The following NF1 variants were observed in gnomAD, a reference collection of about 807,000 sequenced individuals.
NF1 encodes neurofibromin 1.
In NF1, 122 loss-of-function variants were observed where a neutral mutation model predicts 325.7. The observed-to-expected ratio is 0.37, with a 90% CI of 0.32 to 0.44. NF1 has a LOEUF of 0.44. NF1 is among the 20% of genes least tolerant of loss of function. The pLI, the probability that NF1 is intolerant of heterozygous loss-of-function variation, is 1.00. For missense variants in NF1, 2,140 were observed against 3,415.4 expected, an observed-to-expected ratio of 0.63 and a Z score of 9.31; for synonymous variants, 1,091 against 1,186.0, an observed-to-expected ratio of 0.92 and a Z score of 1.65.
intron 57 of NF1, chr17:31,362,425 T>C (rs1028088030): frequency 2.9e-5 from 24 of 833,970 alleles, no homozygotes; most frequent in Non-Finnish European, 3.5e-5. Context: ...TTAGAAGAGC[T>C]GGGTTAACTG....
In NF1 at chr17:31,311,173, G is replaced by C. The variant is rs557308347; in HGVS notation, c.4836-14647G>C. Among the ~76,000 whole-genome samples the C allele has an allele frequency of 4.6e-5, 7 of 152,006 alleles. No individual in the cohort carries two copies. In the East Asian group the frequency reaches 1.4e-3, roughly 29 times the overall value. ...TCACCATGTCACCCAGACTTGCCTT[G>C]AACTCCTGGACTCAAGTGACCCACC... On this transcript the variant is annotated intron_variant, in intron 36 of 57. Transcript: ENST00000358273.
chr17:31,360,774 A>G (rs2070379192), intron 57 of NF1, 71 bp downstream of exon 57: 2 of 1,376,180 alleles, frequency 1.5e-6, no homozygotes, highest in East Asian at 2.3e-5. Flanking sequence ...TTCCCTTGTG[A>G]TCAGTTTATA....
rs539005977 is a variant in NF1, at chr17:31,304,701, G to A, written c.4836-21119G>A. The A allele has an allele frequency of 2.2e-5, 36 of 1,614,128 alleles. No individual in the cohort carries two copies. In the East Asian group the frequency reaches 6.7e-4, roughly 30 times the overall value. On this transcript the variant is annotated intron_variant, in intron 36 of 57. Coordinates refer to ENST00000358273, the MANE Select transcript of NF1 (RefSeq NM_001042492.3). ...GATCTTTTATTTTCTCTGTTTTGGG[G>A]TTGTTGGAGTCTTCAATGTTTTCAC...
chr17:31,355,356 C>G (rs997665100), intron 51 of NF1, among the ~76,000 whole-genome samples: 1 of 152,116 alleles, frequency 6.6e-6, no homozygotes, highest in Non-Finnish European at 1.5e-5. Flanking sequence ...AATTACTTAA[C>G]TGCTCATGGC....
intron 4 of NF1, among the ~76,000 whole-genome samples, chr17:31,163,901 C>CAAA (rs1189972132): frequency 6.6e-6 from 1 of 151,944 alleles, no homozygotes; most frequent in Non-Finnish European, 1.5e-5. Flanking sequence ...AAAACAAAAA[C>CAAA]AAAAAAACCT....
At chr17:31,186,378 T>A (rs1226752890) in intron 8 of NF1, among the ~76,000 whole-genome samples, 1 of 152,142 alleles carries the variant, frequency 6.6e-6, no homozygotes, top group African/African-American at 2.4e-5. Flanking sequence ...AGCCCCTTTC[T>A]AGGACATCCC....
chr17:31,374,228 C>T lies in NF1; in HGVS notation c.*73C>T, dbSNP rs1295187457. 6.3e-7 allele frequency: 1 copy of T among 1,590,306 alleles called. No homozygotes were observed. Among genetic ancestry groups the T allele is most frequent in the South Asian group, 1.1e-5 (1 of 90,156 alleles). ...CTAGTGACCCCTTCCCTGTCCTTGCCCTTTCCCCCCATGTTGTAATGCTGC... is the reference window on the plus strand; with the variant it reads ...CTAGTGACCCCTTCCCTGTCCTTGCTCTTTCCCCCCATGTTGTAATGCTGC... On this transcript the variant is annotated 3_prime_UTR_variant, in exon 58 of 58. Transcript: ENST00000358273.
At chr17:31,169,780 A>G (rs1216801324) in intron 4 of NF1, 111 bp from the exon 5 acceptor site, 7 of 718,238 alleles carry the variant, frequency 9.7e-6, no homozygotes, top group African/African-American at 1.8e-5. Flanking sequence ...TCCTGGCCTC[A>G]AGTGGTCCTC....
intron 16 of NF1, 146 bp from the exon 17 acceptor site, chr17:31,224,948 TC>T: frequency 2.6e-6 from 2 of 768,520 alleles, no homozygotes; most frequent in Non-Finnish European, 4.4e-6. Flanking sequence ...CTAATGGGTT[TC>T]TAGTGAATCT....
chr17:31,295,832 G>A (rs746655735), intron 36 of NF1: 20 of 1,614,172 alleles, frequency 1.2e-5, no homozygotes, highest in Non-Finnish European at 1.7e-5. Context: ...ATGTAGTTTG[G>A]AGGGCATGTT....
intron 1 of NF1, among the ~76,000 whole-genome samples, chr17:31,151,109 A>G (rs954849205): frequency 2.0e-5 from 3 of 152,178 alleles, no homozygotes; most frequent in African/African-American, 7.2e-5. Flanking sequence ...GATGGACTGC[A>G]TATGTAATGG....
At chr17:31,339,719 A>G (rs1407941894) in intron 46 of NF1, among the ~76,000 whole-genome samples, 1 of 152,220 alleles carries the variant, frequency 6.6e-6, no homozygotes, top group Non-Finnish European at 1.5e-5. Flanking sequence ...AAGTCCATGT[A>G]TTTTCCCTAA....
chr17:31,352,222 T>A, intron 50 of NF1, 35 bp from the exon 51 acceptor site: 1 of 1,598,764 alleles, frequency 6.3e-7, no homozygotes. Flanking sequence ...TGTCACCATA[T>A]TAATTGATTT....
At chr17:31,355,057 AT>A (rs1192627111) in intron 51 of NF1, among the ~76,000 whole-genome samples, 1 of 152,244 alleles carries the variant, frequency 6.6e-6, no homozygotes, top group African/African-American at 2.4e-5. Context: ...CTATGAGTAT[AT>A]ATCTAAGAGA....
intron 1 of NF1, among the ~76,000 whole-genome samples, chr17:31,150,670 G>A (rs1916866937): frequency 1.3e-5 from 2 of 151,986 alleles, no homozygotes; most frequent in Admixed American, 1.3e-4. Context: ...ATATTATCAA[G>A]TACATAAAGC....
chr17:31,363,638 G>T (rs1263052484), intron 57 of NF1, among the ~76,000 whole-genome samples: 1 of 150,682 alleles, frequency 6.6e-6, no homozygotes, highest in Non-Finnish European at 1.5e-5. Context: ...GGGTTTTATG[G>T]TGTTAGCCAG....
intron 29 of NF1, among the ~76,000 whole-genome samples, chr17:31,240,515 A>G (rs539728259): frequency 2.0e-5 from 3 of 152,286 alleles, no homozygotes; most frequent in East Asian, 1.9e-4. Context: ...AATGTAGGCT[A>G]TTGTGAATAG....
At chr17:31,239,293 TAGTGGGCTTATC>T (rs1170472982) in intron 29 of NF1, among the ~76,000 whole-genome samples, 1 of 152,230 alleles carries the variant, frequency 6.6e-6, no homozygotes, top group Non-Finnish European at 1.5e-5. Context: ...AGAATTCCTT[TAGTGGGCTTATC>T]AGTAGTCTGG....
At chr17:31,130,386 G>A (rs1915266233) in intron 1 of NF1, among the ~76,000 whole-genome samples, 1 of 152,234 alleles carries the variant, frequency 6.6e-6, no homozygotes, top group African/African-American at 2.4e-5. Flanking sequence ...GCATGTGCCA[G>A]TAGCAGTGGC....
Sources: gnomAD v4.1 joint callset for allele counts (sites outside exome capture counted in the v4.1 genomes callset) on GRCh38, gnomAD v4.1.1 for gene constraint, MANE v1.5 for transcripts, NCBI Gene and HGNC (gene_info 2026-07-23, HGNC 2026-07-21) for gene names.